Variants in CNTNAP2 observed in about 807,000 individuals in gnomAD.
CNTNAP2 encodes the protein contactin-associated protein-like 2.
CNTNAP2 carries 98 observed loss-of-function variants against 155.2 expected under a neutral mutation model. The observed-to-expected ratio is 0.63, with a 90% CI of 0.54 to 0.75. The LOEUF is 0.75. CNTNAP2 is among the 30% of genes least tolerant of loss of function. The pLI is 0.00. For synonymous variants in CNTNAP2, 651 were observed against 631.2 expected, an observed-to-expected ratio of 1.03 and a Z score of -0.47; for missense variants, 1,727 against 1,688.1, an observed-to-expected ratio of 1.02 and a Z score of -0.40.
intron 1 of CNTNAP2, among the ~76,000 whole-genome samples, chr7:146,122,612 G>A (rs1797579844): frequency 6.6e-6 from 1 of 152,022 alleles, no homozygotes; most frequent in South Asian, 2.1e-4. Flanking sequence ...ATATTGAGTT[G>A]AAGATTTGGT....
intron 8 of CNTNAP2, among the ~76,000 whole-genome samples, chr7:147,247,776 T>C (rs1296402027): frequency 6.6e-6 from 1 of 152,174 alleles, no homozygotes; most frequent in African/African-American, 2.4e-5. Context: ...GGACTAAATG[T>C]TACATATGTA....
chr7:146,481,311 G>T (rs1435443210), intron 1 of CNTNAP2, among the ~76,000 whole-genome samples: 2 of 152,106 alleles, frequency 1.3e-5, no homozygotes, highest in South Asian at 2.1e-4. Flanking sequence ...GGTAATATCT[G>T]TGCATACAGG....
intron 18 of CNTNAP2, among the ~76,000 whole-genome samples, chr7:148,191,174 C>A (rs1795198343): frequency 6.6e-6 from 1 of 152,106 alleles, no homozygotes; most frequent in Non-Finnish European, 1.5e-5. Context: ...AGGACTCCAC[C>A]CTCATGAATG....
chr7:147,029,233 A>G (rs980889420), intron 3 of CNTNAP2, among the ~76,000 whole-genome samples: 1 of 152,022 alleles, frequency 6.6e-6, no homozygotes, highest in South Asian at 2.1e-4. Context: ...AAAGTGCTGG[A>G]ATTACAGGCG....
intron 9 of CNTNAP2, among the ~76,000 whole-genome samples, chr7:147,395,152 T>TCTGA (rs1355634736): frequency 2.6e-5 from 4 of 151,970 alleles, no homozygotes; most frequent in Non-Finnish European, 5.9e-5. Flanking sequence ...TTATTTGACA[T>TCTGA]CTGAATAACA....
At chr7:146,131,065 G>A (rs1016333223) in intron 1 of CNTNAP2, among the ~76,000 whole-genome samples, 1 of 152,104 alleles carries the variant, frequency 6.6e-6, no homozygotes, top group Non-Finnish European at 1.5e-5. Context: ...TAAAGAAAAC[G>A]AATAATATTG....
intron 1 of CNTNAP2, among the ~76,000 whole-genome samples, chr7:146,339,712 A>C (rs1801340894): frequency 6.6e-6 from 1 of 152,206 alleles, no homozygotes; most frequent in Non-Finnish European, 1.5e-5. Flanking sequence ...GATGTGAATG[A>C]AGCCAAGAAA....
intron 3 of CNTNAP2, among the ~76,000 whole-genome samples, chr7:147,012,999 T>C (rs1250813318): frequency 6.6e-6 from 1 of 152,066 alleles, no homozygotes; most frequent in African/African-American, 2.4e-5. Context: ...TGGATCAACA[T>C]TTACCAAAGT....
At chr7:147,612,705 TTA>T (rs1801211125) in intron 12 of CNTNAP2, among the ~76,000 whole-genome samples, 1 of 152,068 alleles carries the variant, frequency 6.6e-6, no homozygotes, top group African/African-American at 2.4e-5. Flanking sequence ...CCAGTCAAGC[TTA>T]TGTCATTTTC....
intron 11 of CNTNAP2, among the ~76,000 whole-genome samples, chr7:147,517,173 A>G (rs770109943): frequency 6.6e-6 from 1 of 151,972 alleles, no homozygotes; most frequent in Non-Finnish European, 1.5e-5. Flanking sequence ...CCCCACCAAG[A>G]TGTAATGAAT....
intron 10 of CNTNAP2, among the ~76,000 whole-genome samples, chr7:147,425,470 C>T (rs1584941540): frequency 7.2e-6 from 1 of 139,658 alleles, no homozygotes; most frequent in Non-Finnish European, 1.6e-5. Flanking sequence ...ACTCACTCAA[C>T]TCTCCTGAAA....
rs141943280 is a variant in CNTNAP2, at chr7:146,936,472, G to A, written c.402+96568G>A. Among the ~76,000 whole-genome samples, 83 of 152,242 alleles carry A rather than the reference G, an allele frequency of 5.5e-4. 1 individual carries two copies. The highest frequency in any genetic ancestry group is 1.8e-3 in the African/African-American group (75 of 41,538). ...TTCAAGACCAAATAAGTACATTTACGATGGTGATAGTGACATCGATGAATA... is the reference window on the plus strand; with the variant it reads ...TTCAAGACCAAATAAGTACATTTACAATGGTGATAGTGACATCGATGAATA... On this transcript the variant is annotated intron_variant, in intron 3 of 23. Transcript: ENST00000361727.
At chr7:147,067,107 A>G (rs1239773275) in intron 4 of CNTNAP2, among the ~76,000 whole-genome samples, 2 of 152,148 alleles carry the variant, frequency 1.3e-5, no homozygotes, top group Admixed American at 1.3e-4. Context: ...CCTGGCCAAC[A>G]TGGTGAAACC....
intron 8 of CNTNAP2, among the ~76,000 whole-genome samples, chr7:147,219,738 G>T (rs963080302): frequency 1.3e-5 from 2 of 151,982 alleles, no homozygotes; most frequent in Non-Finnish European, 2.9e-5. Flanking sequence ...CATAATAATG[G>T]CATTAATCCA....
At chr7:146,181,591 G>A (rs1221157142) in intron 1 of CNTNAP2, among the ~76,000 whole-genome samples, 1 of 152,068 alleles carries the variant, frequency 6.6e-6, no homozygotes, top group East Asian at 1.9e-4. Context: ...GACTAGGATA[G>A]TAACTGCAGA....
intron 12 of CNTNAP2, among the ~76,000 whole-genome samples, chr7:147,568,521 C>T (rs1284331505): frequency 6.6e-6 from 1 of 152,128 alleles, no homozygotes; most frequent in Admixed American, 6.5e-5. Flanking sequence ...AATTTATCAT[C>T]CTGTGAAAGC....
chr7:147,965,235 A>G (rs34664455), intron 14 of CNTNAP2, among the ~76,000 whole-genome samples: 35,779 of 152,166 alleles, frequency 0.24, 5,467 homozygotes, highest in East Asian at 0.55. Context: ...CACATAAGGC[A>G]GTAATATTCA....
At chr7:146,638,856 C>T (rs1256036709) in intron 1 of CNTNAP2, among the ~76,000 whole-genome samples, 1 of 152,052 alleles carries the variant, frequency 6.6e-6, no homozygotes, top group Non-Finnish European at 1.5e-5. Flanking sequence ...ACAAAAATCA[C>T]AGAGTGTAAT....
chr7:147,815,248 ATAAGT>A (rs1468514554), intron 13 of CNTNAP2, among the ~76,000 whole-genome samples: 1 of 152,134 alleles, frequency 6.6e-6, no homozygotes, highest in Non-Finnish European at 1.5e-5. Flanking sequence ...TCTATAGGTC[ATAAGT>A]CTGAGTTGAT....
Sources: allele counts gnomAD v4.1 joint callset (sites outside exome capture counted in the v4.1 genomes callset), GRCh38; gene constraint gnomAD v4.1.1; transcripts MANE v1.5; gene names NCBI Gene and HGNC (gene_info 2026-07-23, HGNC 2026-07-21).